SPATA31A6: variants seen among roughly 807,000 people sequenced by gnomAD.
The protein encoded by SPATA31A6 is spermatogenesis-associated protein 31A6.
In SPATA31A6, 9 loss-of-function variants were observed where a neutral mutation model predicts 11.9. The ratio of observed to expected loss-of-function variants is 0.76; its 90% CI spans 0.46 to 1.32. The LOEUF is 1.32. SPATA31A6 is among the 40% of genes most tolerant of loss of function. The pLI, the probability that SPATA31A6 is intolerant of heterozygous loss-of-function variation, is 0.00. For missense variants in SPATA31A6, 855 were observed against 1,467.3 expected (o/e 0.58, Z 6.82); for synonymous variants, 314 against 572.1 (o/e 0.55, Z 6.44).
Position 42,186,967 on chromosome 9 carries a change from T to C in SPATA31A6, c.1265T>C (p.Leu422Pro). ...CAGCTTTTCTGGGGCCTCCCCTCTC[T>C]GCACAGCGAGTCCCTGGTGGCTAAC... is the stretch of plus-strand genomic sequence containing the variant. ...YSQLFWGLPS[L>P]HSESLVANAW... The change falls in exon 4 of 4, where the codon CTG becomes CCG. Residue 422 changes from leucine (L) to proline (P), a missense_variant. Leu to Pro is a moderately conservative substitution (Grantham distance 98). Coordinates refer to ENST00000332857, the MANE Select transcript of SPATA31A6 (RefSeq NM_001145196.1). 1 of 1,544,836 alleles carries C rather than the reference T, an allele frequency of 6.5e-7. No individual in the cohort carries two copies. The highest frequency in any genetic ancestry group is 8.8e-7 in the Non-Finnish European group (1 of 1,142,162).
rs771272499 is a variant in SPATA31A6, at chr9:42,183,740, C to A, written c.53C>A (p.Ala18Asp). The change falls in exon 1 of 4, where the codon GCC (alanine) becomes GAC (aspartate). Residue 18 changes from alanine to aspartate, a missense_variant. Physicochemically the swap from Ala to Asp is moderately radical, Grantham distance 126. Coordinates refer to ENST00000332857, the MANE Select transcript of SPATA31A6 (RefSeq NM_001145196.1). ...LKLLSASSLN[A>D]PSSTPWVLDI... The stretch of plus-strand genomic sequence containing the variant: ...TTACTTAGTGCCTCATCGCTAAACG[C>A]CCCCAGCTCCACACCATGGGTGTTG... 3.3e-6 allele frequency: 5 copies of A among 1,535,132 alleles called. 1 individual carries two copies. Among genetic ancestry groups the A allele is most frequent in the Non-Finnish European group, 4.4e-6 (5 of 1,137,564 alleles).
chr9:42,185,126 G>A lies in SPATA31A6; in HGVS notation c.247G>A (p.Ala83Thr), dbSNP rs748180283. ...RGRMKNHSLR[A>T]GRECPRGLEE... ...CAGGATGAAAAACCACAGTCTGAGA[G>A]GTAAGGCTCTGCCAGAGCACACTAG... Residue 83 changes from alanine (A) to threonine (T), a missense_variant and splice_region_variant, in exon 2 of 4, where the codon GCT becomes ACT. Transcript: ENST00000332857. 42 of 1,543,664 alleles carry A rather than the reference G, an allele frequency of 2.7e-5. 7 individuals are homozygous for A. In the African/African-American group the frequency reaches 5.6e-4, roughly 21 times the overall value.
chr9:42,184,147 C>T (rs1287125514), intron 1 of SPATA31A6, among the ~76,000 whole-genome samples: 2 of 137,868 alleles, frequency 1.5e-5, no homozygotes, highest in Non-Finnish European at 3.1e-5. Flanking sequence ...GCACCAGTAC[C>T]AGTCATGAGA....
chr9:42,183,993 C>G lies in SPATA31A6; in HGVS notation c.189+117C>G. ...CTATGATGGGAAGTCTCAGAAGAGA[C>G]CAGAACATCATCCTTCCAGGGAGAG... is the stretch of plus-strand genomic sequence containing the variant. On this transcript the variant is annotated intron_variant, in intron 1 of 3. Transcript: ENST00000332857. The G allele has an allele frequency of 2.7e-6, 4 of 1,454,588 alleles. 1 individual carries two copies. 90.1% of individuals were successfully genotyped at this position (1,454,588 alleles called of 1,614,324 possible).
At position 42,183,772 on chromosome 9, in the gene SPATA31A6, T is replaced by C; in HGVS notation, c.85T>C (p.Phe29Leu). Residue 29 changes from phenylalanine (F) to leucine (L), a missense_variant, in exon 1 of 4, where the codon TTC (phenylalanine) becomes CTC (leucine). By Grantham distance (22) the Phe-to-Leu change is conservative. Transcript: ENST00000332857. ...CTCCACACCATGGGTGTTGGATATC[T>C]TCCTCACCTTGGTGTTTGCCCTGGG... ...PSSTPWVLDIFLTLVFALGFF... is the reference protein window; with the variant it reads ...PSSTPWVLDILLTLVFALGFF... The C allele has an allele frequency of 2.6e-6, 4 of 1,535,768 alleles. 1 individual carries two copies. Among genetic ancestry groups the C allele is most frequent in the Non-Finnish European group, 3.5e-6 (4 of 1,137,834 alleles).
chr9:42,186,575 C>T lies in SPATA31A6; in HGVS notation c.873C>T (p.Cys291=), dbSNP rs368428805. The T allele has an allele frequency of 5.7e-4, 864 of 1,528,424 alleles. 133 individuals are homozygous for T. Among genetic ancestry groups the T allele is most frequent in the Non-Finnish European group, 6.4e-4 (732 of 1,135,964 alleles). The allele number at this position is 1,528,424 out of a possible 1,614,324, so 94.7% of individuals were successfully genotyped here. A position where few individuals can be genotyped will look rare whatever the true frequency, so the allele number is the denominator to read the frequency against. Residue 291 remains cysteine (C), a synonymous_variant, in exon 4 of 4, where the codon TGC becomes TGT. Coordinates refer to ENST00000332857, the MANE Select transcript of SPATA31A6 (RefSeq NM_001145196.1). ...SRWQETARTS[C]AFNSSVQQDP... ...GGCAGGAGACTGCCAGAACCTCGTG[C>T]GCCTTTAACTCATCAGTCCAGCAAG...
Position 42,187,680 on chromosome 9 carries a change from G to C in SPATA31A6, c.1978G>C (p.Glu660Gln), listed in dbSNP as rs559106231. ...GGCACAGAAGGTGAAGTTCCAGCTAGAGAGGGACCTGTGCCCACATCTGGG... is the reference window on the plus strand; with the variant it reads ...GGCACAGAAGGTGAAGTTCCAGCTACAGAGGGACCTGTGCCCACATCTGGG... ...KEAQKVKFQL[E>Q]RDLCPHLGQI... The change falls in exon 4 of 4, where the codon GAG becomes CAG. Residue 660 changes from glutamate to glutamine, a missense_variant. Glu to Gln is a conservative substitution (Grantham distance 29, BLOSUM62 2). Coordinates refer to ENST00000332857, the MANE Select transcript of SPATA31A6 (RefSeq NM_001145196.1). The C allele has an allele frequency of 8.6e-6, 13 of 1,520,220 alleles. 1 individual carries two copies. Among genetic ancestry groups the C allele is most frequent in the Non-Finnish European group, 1.2e-5 (13 of 1,129,278 alleles). 94.2% of individuals were successfully genotyped at this position (1,520,220 alleles called of 1,614,324 possible).
intron 2 of SPATA31A6, 159 bp downstream of exon 2, chr9:42,185,285 T>G: frequency 2.0e-6 from 2 of 1,010,830 alleles, no homozygotes; most frequent in Non-Finnish European, 2.8e-6. Context: ...AATGAAGCCA[T>G]GGTGGGCCAG....
intron 3 of SPATA31A6, 123 bp downstream of exon 3, chr9:42,185,878 C>A: frequency 1.4e-6 from 2 of 1,454,216 alleles, no homozygotes; most frequent in African/African-American, 3.5e-5. Flanking sequence ...GGAGTAAAAC[C>A]CTGGGGCGAG....
At position 42,184,930 on chromosome 9, in the gene SPATA31A6, C is replaced by T. The variant is rs879225710; in HGVS notation, c.190-139C>T. 139 of 1,417,288 alleles carry T rather than the reference C, an allele frequency of 9.8e-5. 22 individuals are homozygous for T. Among genetic ancestry groups the T allele is most frequent in the Middle Eastern group, 4.1e-4 (2 of 4,852 alleles). The allele number at this position is 1,417,288 out of a possible 1,614,324, so 87.8% of individuals were successfully genotyped here. On this transcript the variant is annotated intron_variant, in intron 1 of 3. Transcript: ENST00000332857. ...CCTGAGCAAGACAGAGAGAGTCATG[C>T]GGTTCCTGAGTGCAGCATGCTGCGG...
rs746829789 is a variant in SPATA31A6 at position 42,187,297 on chromosome 9, C to T, written c.1595C>T (p.Ser532Phe). ...PASQNKVQAL[S>F]LPETQHPEWP... ...TCGCAGAATAAAGTGCAAGCTCTCT[C>T]CCTACCTGAAACTCAGCACCCTGAA... is the stretch of plus-strand genomic sequence containing the variant. Residue 532 changes from serine to phenylalanine, a missense_variant, in exon 4 of 4, where the codon TCC (serine) becomes TTC (phenylalanine). By Grantham distance (155) the Ser-to-Phe change is radical (BLOSUM62 -2). Transcript: ENST00000332857. 6.5e-7 allele frequency: 1 copy of T among 1,540,778 alleles called. No individual in the cohort carries two copies. The highest frequency in any genetic ancestry group is 2.4e-5 in the East Asian group (1 of 41,712).
intron 1 of SPATA31A6, 177 bp from the exon 2 acceptor site, chr9:42,184,892 G>A (rs571310219): frequency 1.3e-6 from 1 of 777,868 alleles, no homozygotes; most frequent in East Asian, 1.4e-4. Context: ...GTGGGAGGAA[G>A]CACACAGAGC....
Position 42,189,130 on chromosome 9 carries a change from G to A in SPATA31A6, c.3428G>A (p.Gly1143Asp), listed in dbSNP as rs201218457. Residue 1143 changes from glycine to aspartate, a missense_variant, in exon 4 of 4, where the codon GGC (glycine) becomes GAC (aspartate). Coordinates refer to ENST00000332857, the MANE Select transcript of SPATA31A6 (RefSeq NM_001145196.1). ...ACAGAAGACACCCATCAGGATGAAG[G>A]CGTCCAGCTACTGCCATCAAAGAAA... ...RKTEDTHQDE[G>D]VQLLPSKKQP... is the part of the protein sequence containing the mutation. 1.3e-4 allele frequency: 197 copies of A among 1,544,850 alleles called. 46 individuals are homozygous for A. The African/African-American group carries it at 2.5e-3, about 20-fold the overall frequency.
rs1160534726 is a variant in SPATA31A6 at position 42,186,626 on chromosome 9, G to A, written c.924G>A (p.Glu308=). The A allele has an allele frequency of 2.6e-6, 4 of 1,532,698 alleles. 1 individual carries two copies. The East Asian group carries it at 7.1e-5, about 27-fold the overall frequency. The allele number at this position is 1,532,698 out of a possible 1,614,324, so 94.9% of individuals were successfully genotyped here. A position where few individuals can be genotyped will look rare whatever the true frequency, so the allele number is the denominator to read the frequency against. The change falls in exon 4 of 4, where the codon GAG becomes GAA. Residue 308 remains glutamate (E), a synonymous_variant. Coordinates refer to ENST00000332857, the MANE Select transcript of SPATA31A6 (RefSeq NM_001145196.1). ...ATCCTCTTTCCCGCCACCCACCAGA[G>A]ACCTGTCAGATGGAAGCTGGTAGCC... ...QQDPLSRHPP[E]TCQMEAGSLF...
chr9:42,186,773 A>T lies in SPATA31A6; in HGVS notation c.1071A>T (p.Glu357Asp), dbSNP rs777562907. The change falls in exon 4 of 4, where the codon GAA becomes GAT. Residue 357 changes from glutamate to aspartate, a missense_variant. Transcript: ENST00000332857. ...CATTTACAAATCAAATGACCCCAGAAAAGCACTTAAATTCTTTGGGGAATT... is the reference window on the plus strand; with the variant it reads ...CATTTACAAATCAAATGACCCCAGATAAGCACTTAAATTCTTTGGGGAATT... ...VGSFTNQMTP[E>D]KHLNSLGNLA... 3 of 1,530,248 alleles carry T rather than the reference A, an allele frequency of 2.0e-6. 1 individual carries two copies. The East Asian group carries it at 7.1e-5, about 36-fold the overall frequency. The allele number at this position is 1,530,248 out of a possible 1,614,324, so 94.8% of individuals were successfully genotyped here. A position where few individuals can be genotyped will look rare whatever the true frequency, so the allele number is the denominator to read the frequency against.
Position 42,185,013 on chromosome 9 carries a change from A to T in SPATA31A6, c.190-56A>T, listed in dbSNP as rs533055396. On this transcript the variant is annotated intron_variant, in intron 1 of 3. Transcript: ENST00000332857. ...AGCTTCTCGCCCTTTCTTGTCTCCC[A>T]TTGTCATCTTGTCTCTCCGCGTCAT... 430 of 1,524,398 alleles carry T rather than the reference A, an allele frequency of 2.8e-4. 71 individuals carry two copies. The South Asian group carries it at 4.9e-3, about 18-fold the overall frequency. The allele number at this position is 1,524,398 out of a possible 1,614,324, so 94.4% of individuals were successfully genotyped here. A position where few individuals can be genotyped will look rare whatever the true frequency, so the allele number is the denominator to read the frequency against.
Position 42,187,023 on chromosome 9 carries a change from C to T in SPATA31A6, c.1321C>T (p.Gln441Ter). 3 of 1,547,298 alleles carry T rather than the reference C, an allele frequency of 1.9e-6. 1 individual carries two copies. The highest frequency in any genetic ancestry group is 2.6e-6 in the Non-Finnish European group (3 of 1,141,826). ...GGTAACTGACAGGTCTTATACTTTA[C>T]AGTCTCCTCCTTTCTTGTTCAATGA... ...AWVTDRSYTLQSPPFLFNEMS... is the reference protein window; with the variant it reads ...AWVTDRSYTL The change falls in exon 4 of 4, where the codon CAG becomes TAG. Residue 441 changes from glutamine to a stop codon, truncating the protein, a stop_gained. Coordinates refer to ENST00000332857, the MANE Select transcript of SPATA31A6 (RefSeq NM_001145196.1). LOFTEE classifies it low-confidence loss of function (END_TRUNC).
rs1190257109 is a variant in SPATA31A6, at chr9:42,188,926, G to A, written c.3224G>A (p.Arg1075Lys). ...SQELHDLMAA[R>K]RSKLVQEEPR... Reference sequence around the variant, plus strand: ...GAGCTACATGACCTCATGGCAGCCAGAAGGAGCAAACTGGTGCAAGAGGAG... The same window carrying A: ...GAGCTACATGACCTCATGGCAGCCAAAAGGAGCAAACTGGTGCAAGAGGAG... The change falls in exon 4 of 4, where the codon AGA becomes AAA. Residue 1075 changes from arginine to lysine, a missense_variant. Transcript: ENST00000332857. 1.3e-6 allele frequency: 2 copies of A among 1,541,084 alleles called. No homozygotes were observed. Among genetic ancestry groups the A allele is most frequent in the East Asian group, 4.8e-5 (2 of 42,034 alleles).
rs1829458402 is a variant in SPATA31A6 at position 42,186,660 on chromosome 9, C to T, written c.958C>T (p.Leu320Phe). The T allele has an allele frequency of 2.0e-6, 3 of 1,532,200 alleles. No individual in the cohort carries two copies. The East Asian group carries it at 7.1e-5, about 36-fold the overall frequency. 94.9% of individuals were successfully genotyped at this position (1,532,200 alleles called of 1,614,324 possible). The change falls in exon 4 of 4, where the codon CTC becomes TTC. Residue 320 changes from leucine (L) to phenylalanine (F), a missense_variant. Physicochemically the swap from Leu to Phe is conservative, Grantham distance 22 (BLOSUM62 0). Transcript: ENST00000332857. ...GATGGAAGCTGGTAGCCTGTTTTTG[C>T]TCAGCTCTGATGGCCAGAATGTCGT... is the stretch of plus-strand genomic sequence containing the variant. Reference protein sequence around the residue: ...CQMEAGSLFLLSSDGQNVVGI... With the variant: ...CQMEAGSLFLFSSDGQNVVGI...
Sources: gnomAD v4.1 joint callset for allele counts (sites outside exome capture counted in the v4.1 genomes callset) on GRCh38, gnomAD v4.1.1 for gene constraint, MANE v1.5 for transcripts, NCBI Gene and HGNC (gene_info 2026-07-23, HGNC 2026-07-21) for gene names.